Variants in GRIN2A observed in about 807,000 individuals in gnomAD.
GRIN2A encodes the protein glutamate ionotropic receptor NMDA type subunit 2A, also known as glutamate receptor ionotropic, NMDA 2A.
In GRIN2A, 22 loss-of-function variants were observed where a neutral mutation model predicts 113.4. The ratio of observed to expected loss-of-function variants is 0.19; its 90% CI spans 0.14 to 0.28. GRIN2A has a LOEUF of 0.28. Ranked by LOEUF, GRIN2A falls within the 10% of genes least tolerant of loss-of-function variation. The pLI, the probability that GRIN2A is intolerant of heterozygous loss-of-function variation, is 1.00. For synonymous variants in GRIN2A, 827 were observed against 738.4 expected, an observed-to-expected ratio of 1.12 and a Z score of -1.94; for missense variants, 1,502 against 1,887.0, an observed-to-expected ratio of 0.80 and a Z score of 3.78.
At chr16:9,961,087 T>A (rs11860593) in intron 2 of GRIN2A, among the ~76,000 whole-genome samples, 272 of 152,350 alleles carry the variant, frequency 1.8e-3, no homozygotes, top group African/African-American at 6.4e-3. Context: ...AATATATGTA[T>A]GACTTTAGCA....
intron 3 of GRIN2A, among the ~76,000 whole-genome samples, chr16:9,899,974 T>C (rs75809826): frequency 0.013 from 2,029 of 152,262 alleles, 47 homozygotes; most frequent in African/African-American, 0.046. Flanking sequence ...TTTCCTTTTC[T>C]GTAAAAGTGA....
chr16:10,108,634 G>A (rs144996373), intron 2 of GRIN2A, among the ~76,000 whole-genome samples: 168 of 152,280 alleles, frequency 1.1e-3, no homozygotes, highest in Non-Finnish European at 2.1e-3. Context: ...CTTAGTGTAC[G>A]ATGTAGCCGG....
chr16:10,028,255 A>C (rs1318685929), intron 2 of GRIN2A, among the ~76,000 whole-genome samples: 1 of 152,194 alleles, frequency 6.6e-6, no homozygotes, highest in Non-Finnish European at 1.5e-5. Flanking sequence ...AATTCCCCCA[A>C]GTTTCACAGT....
chr16:10,130,309 C>T (rs1268691279), intron 2 of GRIN2A, among the ~76,000 whole-genome samples: 1 of 152,200 alleles, frequency 6.6e-6, no homozygotes, highest in Non-Finnish European at 1.5e-5. Flanking sequence ...CAGGCAAATT[C>T]AGGGCATACC....
In GRIN2A at chr16:10,025,953, A is replaced by G. The variant is rs145128766; in HGVS notation, c.415-87402T>C. Among the ~76,000 whole-genome samples, 1,055 of 152,336 alleles carry G rather than the reference A, an allele frequency of 6.9e-3. 3 individuals are homozygous for G. Among genetic ancestry groups the G allele is most frequent in the Non-Finnish European group, 0.01 (701 of 68,026 alleles). ...CAAGTGGCTTGAGGAAGTCAGGCAC[A>G]GCGAGCTTCGTAGCCAGGGTCCTGG... On this transcript the variant is annotated intron_variant, in intron 2 of 12. Transcript: ENST00000330684.
chr16:9,929,562 C>A (rs1314446636), intron 3 of GRIN2A, among the ~76,000 whole-genome samples: 4 of 152,158 alleles, frequency 2.6e-5, no homozygotes, highest in African/African-American at 9.7e-5. Flanking sequence ...CTTTCCTAGA[C>A]CTGTGCTATG....
At chr16:9,859,247 T>C (rs2043020919) in intron 4 of GRIN2A, among the ~76,000 whole-genome samples, 1 of 151,700 alleles carries the variant, frequency 6.6e-6, no homozygotes, top group Non-Finnish European at 1.5e-5. Context: ...ATATTCACAA[T>C]TAAACATGGA....
intron 4 of GRIN2A, among the ~76,000 whole-genome samples, chr16:9,859,057 T>A (rs1210656581): frequency 6.6e-6 from 1 of 152,192 alleles, no homozygotes; most frequent in East Asian, 1.9e-4. Flanking sequence ...AGTCCCTCCA[T>A]GTCTCATGCT....
chr16:10,135,922 C>A (rs934068484), intron 2 of GRIN2A, among the ~76,000 whole-genome samples: 10 of 152,164 alleles, frequency 6.6e-5, no homozygotes, highest in African/African-American at 2.2e-4. Flanking sequence ...CAGACTGTAG[C>A]CCCATCCAAG....
intron 2 of GRIN2A, among the ~76,000 whole-genome samples, chr16:9,956,486 G>A (rs1217926327): frequency 6.6e-6 from 1 of 152,132 alleles, no homozygotes; most frequent in Non-Finnish European, 1.5e-5. Flanking sequence ...TGCACAGTGA[G>A]CCAGATGTCA....
chr16:9,995,101 C>T (rs1034972201), intron 2 of GRIN2A, among the ~76,000 whole-genome samples: 1 of 152,156 alleles, frequency 6.6e-6, no homozygotes, highest in Non-Finnish European at 1.5e-5. Flanking sequence ...AATGTATTTC[C>T]TCCTATCATC....
At chr16:9,833,138 A>C (rs1270586220) in intron 8 of GRIN2A, among the ~76,000 whole-genome samples, 1 of 152,180 alleles carries the variant, frequency 6.6e-6, no homozygotes, top group Non-Finnish European at 1.5e-5. Context: ...AGGAAAGCCC[A>C]CTCAAAATGG....
At chr16:9,827,353 G>C (rs1415848058) in intron 9 of GRIN2A, among the ~76,000 whole-genome samples, 1 of 152,194 alleles carries the variant, frequency 6.6e-6, no homozygotes, top group Non-Finnish European at 1.5e-5. Context: ...TGAAGGATTT[G>C]GGGGTGAGCA....
chr16:10,116,991 G>C (rs1305109826), intron 2 of GRIN2A, among the ~76,000 whole-genome samples: 1 of 151,852 alleles, frequency 6.6e-6, no homozygotes, highest in Non-Finnish European at 1.5e-5. Flanking sequence ...GTGACCCTCA[G>C]GGTGGGCCAA....
chr16:9,836,633 C>G (rs1157527620), intron 7 of GRIN2A, among the ~76,000 whole-genome samples: 1 of 152,194 alleles, frequency 6.6e-6, no homozygotes, highest in Non-Finnish European at 1.5e-5. Context: ...AAGGACTCTG[C>G]TGCAGTAGTC....
rs142566406 is a variant in GRIN2A, at chr16:9,938,547, G to A, written c.419C>T (p.Pro140Leu). 6.5e-5 allele frequency: 104 copies of A among 1,602,450 alleles called. No individual in the cohort carries two copies. Among genetic ancestry groups the A allele is most frequent in the Non-Finnish European group, 2.3e-5 (27 of 1,179,346 alleles). ...TCCAAACTGGAAGAAGGTAGACGTCGGATCCTGCCAGTGAAAAGAAAGTAA... is the reference window on the plus strand; with the variant it reads ...TCCAAACTGGAAGAAGGTAGACGTCAGATCCTGCCAGTGAAAAGAAAGTAA... ...GASMIMADKD[P>L]TSTFFQFGAS... Residue 140 changes from proline to leucine, a missense_variant, in exon 3 of 13, where the codon CCG becomes CTG. Physicochemically the swap from Pro to Leu is moderately conservative, Grantham distance 98 (BLOSUM62 -3). This residue lies in a region of GRIN2A where 334 missense variants were observed against 403.0 expected (regional missense o/e 0.83). Coordinates refer to ENST00000330684, the MANE Select transcript of GRIN2A (RefSeq NM_001134407.3).
At chr16:9,967,196 G>A (rs2045571669) in intron 2 of GRIN2A, among the ~76,000 whole-genome samples, 1 of 152,134 alleles carries the variant, frequency 6.6e-6, no homozygotes, top group Non-Finnish European at 1.5e-5. Context: ...ACAAACCTAA[G>A]TGCCCATCAG....
intron 2 of GRIN2A, among the ~76,000 whole-genome samples, chr16:10,009,239 C>T (rs2046458792): frequency 6.6e-6 from 1 of 152,146 alleles, no homozygotes; most frequent in Non-Finnish European, 1.5e-5. Flanking sequence ...AAAATACTTG[C>T]TAGACACATA....
At chr16:10,059,426 T>G (rs1196533132) in intron 2 of GRIN2A, among the ~76,000 whole-genome samples, 1 of 152,054 alleles carries the variant, frequency 6.6e-6, no homozygotes, top group East Asian at 1.9e-4. Context: ...TACTGAGGCA[T>G]CTACGGGTAC....
Sources: allele counts gnomAD v4.1 joint callset (sites outside exome capture counted in the v4.1 genomes callset), GRCh38; gene constraint gnomAD v4.1.1; regional missense constraint gnomAD v4.1.1; transcripts MANE v1.5; gene names NCBI Gene and HGNC (gene_info 2026-07-23, HGNC 2026-07-21).